DNAJC1: variants seen among roughly 807,000 people sequenced by gnomAD.
DNAJC1 encodes the protein dnaJ homolog subfamily C member 1.
A neutral mutation model predicts 76.6 loss-of-function variants in DNAJC1; 58 were observed. The observed-to-expected ratio is 0.76, with a 90% confidence interval of 0.61 to 0.94. DNAJC1 has a LOEUF of 0.94. Among genes scored for constraint, DNAJC1 ranks in the 40% least tolerant of loss-of-function variants. The pLI is 0.00. For synonymous variants in DNAJC1, 258 were observed against 267.9 expected (o/e 0.96, Z 0.36); for missense variants, 689 against 677.3 (o/e 1.02, Z -0.19).
intron 9 of DNAJC1, among the ~76,000 whole-genome samples, chr10:21,800,424 A>G (rs2131638877): frequency 6.6e-6 from 1 of 152,332 alleles, no homozygotes; most frequent in East Asian, 1.9e-4. Flanking sequence ...TAGGAATGCA[A>G]TCTCTAGTTC....
intron 8 of DNAJC1, among the ~76,000 whole-genome samples, chr10:21,813,096 C>CACATATAT (rs1554887835): frequency 3.2e-4 from 37 of 117,296 alleles, no homozygotes; most frequent in African/African-American, 1.0e-3. Flanking sequence ...TACACACACA[C>CACATATAT]ATATATATAT....
At chr10:21,798,116 G>GAAGGTTAC (rs1438639067) in intron 9 of DNAJC1, among the ~76,000 whole-genome samples, 3 of 152,286 alleles carry the variant, frequency 2.0e-5, no homozygotes, top group Non-Finnish European at 4.4e-5. Flanking sequence ...CAGTTCTTCT[G>GAAGGTTAC]AAGGTTACAA....
chr10:21,857,046 A>T (rs1590017940), intron 8 of DNAJC1, among the ~76,000 whole-genome samples: 1 of 152,274 alleles, frequency 6.6e-6, no homozygotes, highest in East Asian at 1.9e-4. Flanking sequence ...GAAAAATATT[A>T]TCTTAAATGG....
At chr10:21,827,088 C>T (rs764111925) in intron 8 of DNAJC1, among the ~76,000 whole-genome samples, 13 of 151,962 alleles carry the variant, frequency 8.6e-5, no homozygotes, top group South Asian at 2.1e-4. Flanking sequence ...GAACATAAGA[C>T]GGTTTTCCAT....
intron 1 of DNAJC1, among the ~76,000 whole-genome samples, chr10:21,962,943 T>C (rs1007179083): frequency 4.6e-5 from 7 of 152,296 alleles, no homozygotes; most frequent in Non-Finnish European, 1.0e-4. Flanking sequence ...AATAATATGG[T>C]TTAAACTGAT....
chr10:21,881,671 C>T (rs559346133), intron 8 of DNAJC1, among the ~76,000 whole-genome samples: 3 of 151,876 alleles, frequency 2.0e-5, no homozygotes, highest in South Asian at 2.1e-4. Context: ...ATAACAGTAA[C>T]GTCAGAGGTC....
In DNAJC1 at chr10:21,880,240, A is replaced by G. The variant is rs77402946; in HGVS notation, c.978+2042T>C. ...ACCATATCAGCAGTTATTTCCTCCA[A>G]TGAAATCTTGAACCCAAAGTCATCC... On this transcript the variant is annotated intron_variant, in intron 8 of 11. Transcript: ENST00000376980. Among the ~76,000 whole-genome samples, 893 of 152,308 alleles carry G rather than the reference A, an allele frequency of 5.9e-3. 10 individuals carry two copies. The highest frequency in any genetic ancestry group is 0.02 in the African/African-American group (843 of 41,560).
chr10:21,759,525 C>G lies in DNAJC1; in HGVS notation c.1241G>C (p.Arg414Pro), dbSNP rs143219358. 6.2e-6 allele frequency: 10 copies of G among 1,614,194 alleles called. No homozygotes were observed. In the East Asian group the frequency reaches 2.0e-4, roughly 32 times the overall value. Residue 414 changes from arginine (R) to proline (P), a missense_variant, in exon 11 of 12, where the codon CGA becomes CCA. Coordinates refer to ENST00000376980, the MANE Select transcript of DNAJC1 (RefSeq NM_022365.4). Reference sequence around the variant, plus strand: ...CGCTGCCACCCCCTCTGCGTCCTCTCGCTGGGTGATCATGTCATCGGGCAA... The same window carrying G: ...CGCTGCCACCCCCTCTGCGTCCTCTGGCTGGGTGATCATGTCATCGGGCAA... Reference protein sequence around the residue: ...TTLPDDMITQREDAEGVAAEE... With the variant: ...TTLPDDMITQPEDAEGVAAEE...
At chr10:21,864,166 G>A (rs1296181650) in intron 8 of DNAJC1, among the ~76,000 whole-genome samples, 1 of 152,164 alleles carries the variant, frequency 6.6e-6, no homozygotes, top group East Asian at 1.9e-4. Context: ...AGAGATTGCA[G>A]TGAAGCAAGA....
chr10:21,844,066 A>C (rs2131681808), intron 8 of DNAJC1, among the ~76,000 whole-genome samples: 1 of 152,266 alleles, frequency 6.6e-6, no homozygotes, highest in Middle Eastern at 3.4e-3. Flanking sequence ...CTGCCATGTA[A>C]GATGTGTCTT....
At chr10:21,805,606 C>T (rs931673894) in intron 9 of DNAJC1, among the ~76,000 whole-genome samples, 7 of 152,224 alleles carry the variant, frequency 4.6e-5, no homozygotes, top group Middle Eastern at 3.4e-3. Context: ...AAATAGCAAT[C>T]GCAATCTGTA....
intron 1 of DNAJC1, among the ~76,000 whole-genome samples, chr10:21,981,735 A>G (rs1838162500): frequency 6.6e-6 from 1 of 152,198 alleles, no homozygotes; most frequent in South Asian, 2.1e-4. Context: ...ATGCAAAAGA[A>G]TAAAATTGAA....
intron 9 of DNAJC1, among the ~76,000 whole-genome samples, chr10:21,768,539 G>T (rs1157146719): frequency 6.6e-6 from 1 of 152,158 alleles, no homozygotes; most frequent in Non-Finnish European, 1.5e-5. Context: ...ATGATACCTG[G>T]CAGACAGTAA....
intron 6 of DNAJC1, among the ~76,000 whole-genome samples, chr10:21,905,302 A>G (rs1836724961): frequency 6.6e-6 from 1 of 151,940 alleles, no homozygotes; most frequent in Non-Finnish European, 1.5e-5. Flanking sequence ...ATACATAAAA[A>G]TAAACAAGCT....
At chr10:21,891,562 C>A (rs1438733328) in intron 7 of DNAJC1, among the ~76,000 whole-genome samples, 1 of 150,604 alleles carries the variant, frequency 6.6e-6, no homozygotes, top group Non-Finnish European at 1.5e-5. Context: ...TTAAAAGCAG[C>A]AACAGAGAAA....
intron 8 of DNAJC1, among the ~76,000 whole-genome samples, chr10:21,826,226 G>A (rs1464789258): frequency 2.2e-4 from 3 of 13,440 alleles, no homozygotes; most frequent in African/African-American, 1.4e-3. Flanking sequence ...CAACAAGAAT[G>A]AGACTTTGTC....
chr10:21,893,618 C>T (rs1836491192), intron 7 of DNAJC1, among the ~76,000 whole-genome samples: 1 of 151,598 alleles, frequency 6.6e-6, no homozygotes, highest in Non-Finnish European at 1.5e-5. Flanking sequence ...CAGAGTGAGA[C>T]TCAGTTAAAA....
chr10:21,929,152 T>C lies in DNAJC1; in HGVS notation c.223-11A>G, dbSNP rs1488640406. ...TGCAGATGATGCATCCTGGAGGTGG[T>C]AGGGGGAGGGGAAAATACAAAGCAA... On this transcript the variant is annotated splice_polypyrimidine_tract_variant and intron_variant, in intron 1 of 11. Coordinates refer to ENST00000376980, the MANE Select transcript of DNAJC1 (RefSeq NM_022365.4). 2 of 1,585,012 alleles carry C rather than the reference T, an allele frequency of 1.3e-6. No individual in the cohort carries two copies. The highest frequency in any genetic ancestry group is 2.2e-5 in the East Asian group (1 of 44,450).
chr10:21,860,025 C>G (rs1475812897), intron 8 of DNAJC1, among the ~76,000 whole-genome samples: 1 of 152,002 alleles, frequency 6.6e-6, no homozygotes, highest in East Asian at 1.9e-4. Flanking sequence ...CTCAAGTGAT[C>G]CACCCCTTCG....
Sources: gnomAD v4.1 joint callset for allele counts (sites outside exome capture counted in the v4.1 genomes callset) on GRCh38, gnomAD v4.1.1 for gene constraint, MANE v1.5 for transcripts, NCBI Gene and HGNC (gene_info 2026-07-23, HGNC 2026-07-21) for gene names.